Variants in RNF138 observed in about 807,000 individuals in gnomAD.
RNF138 encodes ring finger protein 138, also known as E3 ubiquitin-protein ligase RNF138.
In RNF138, 12 loss-of-function variants were observed where a neutral mutation model predicts 31.0. The observed-to-expected ratio is 0.39, with a 90% CI of 0.25 to 0.63. RNF138 has a LOEUF of 0.63. RNF138 is among the 20% of genes least tolerant of loss of function. RNF138 has a pLI of 0.52. For missense variants in RNF138, 192 were observed against 300.1 expected (o/e 0.64, Z 2.66); for synonymous variants, 105 against 99.5 (o/e 1.06, Z -0.33).
chr18:32,113,927 A>AT, intron 4 of RNF138, 67 bp downstream of exon 4: 3 of 813,828 alleles, frequency 3.7e-6, no homozygotes, highest in Non-Finnish European at 6.0e-6. Flanking sequence ...TGGGAACTAT[A>AT]TGATAAGGTA....
intron 2 of RNF138, among the ~76,000 whole-genome samples, chr18:32,093,564 G>T (rs2039748888): frequency 6.6e-6 from 1 of 152,104 alleles, no homozygotes; most frequent in African/African-American, 2.4e-5. Flanking sequence ...TGAAATGAGC[G>T]TTCCCCTTTG....
intron 2 of RNF138, among the ~76,000 whole-genome samples, chr18:32,093,992 C>G (rs879191266): frequency 6.6e-6 from 1 of 151,934 alleles, no homozygotes; most frequent in African/African-American, 2.4e-5. Flanking sequence ...GGGGTTTCAC[C>G]GTGTTAGCAA....
At chr18:32,103,837 G>A (rs1598849621) in intron 2 of RNF138, among the ~76,000 whole-genome samples, 1 of 137,288 alleles carries the variant, frequency 7.3e-6, no homozygotes, top group African/African-American at 2.8e-5. Context: ...GCGGTGGCGG[G>A]CACCTGTAGT....
At chr18:32,097,960 G>T (rs1568224322) in intron 2 of RNF138, among the ~76,000 whole-genome samples, 1 of 82,774 alleles carries the variant, frequency 1.2e-5, no homozygotes, top group African/African-American at 4.4e-5. Flanking sequence ...GTGTGTGTGT[G>T]TGTGTGTGTG....
chr18:32,122,305 A>G (rs567671053), intron 4 of RNF138: 1 of 152,322 alleles, frequency 6.6e-6, no homozygotes, highest in Admixed American at 6.5e-5. Context: ...TTGTATACAC[A>G]TTTATTATGA....
chr18:32,096,942 A>G (rs1262793526), intron 2 of RNF138, among the ~76,000 whole-genome samples: 1 of 152,082 alleles, frequency 6.6e-6, no homozygotes, highest in Non-Finnish European at 1.5e-5. Context: ...TTGTTGCCCA[A>G]CCTAGTCTCT....
chr18:32,106,614 G>C (rs2040033313), intron 2 of RNF138, among the ~76,000 whole-genome samples: 1 of 151,920 alleles, frequency 6.6e-6, no homozygotes, highest in African/African-American at 2.4e-5. Flanking sequence ...ACACAGGCTT[G>C]AGTGCAGTTG....
In RNF138 at chr18:32,130,515, A is replaced by G; in HGVS notation, c.*1328A>G. 6.6e-6 allele frequency: 1 copy of G among 152,436 alleles called. No individual in the cohort carries two copies. The highest frequency in any genetic ancestry group is 1.9e-4 in the East Asian group (1 of 5,200). The allele number at this position is 152,436 out of a possible 1,614,324, so 9.4% of individuals were successfully genotyped here. Reference sequence around the variant, plus strand: ...AAGGACTAAGAGTGGATTTGCTGACATTCCATACTAATATACATTGTTTAT... The same window carrying G: ...AAGGACTAAGAGTGGATTTGCTGACGTTCCATACTAATATACATTGTTTAT... On this transcript the variant is annotated 3_prime_UTR_variant, in exon 8 of 8. Transcript: ENST00000261593.
At chr18:32,100,814 G>C (rs186285187) in intron 2 of RNF138, among the ~76,000 whole-genome samples, 1 of 152,008 alleles carries the variant, frequency 6.6e-6, no homozygotes, top group African/African-American at 2.4e-5. Context: ...CATGTTGGCC[G>C]GGCTGGTCTC....
intron 2 of RNF138, among the ~76,000 whole-genome samples, chr18:32,109,894 AAAAT>A (rs1568232377): frequency 6.6e-6 from 1 of 152,226 alleles, no homozygotes; most frequent in Non-Finnish European, 1.5e-5. Flanking sequence ...TCAAAAAAAT[AAAAT>A]AAATAAAACT....
At chr18:32,097,888 ATG>A (rs1425277789) in intron 2 of RNF138, among the ~76,000 whole-genome samples, 1 of 151,532 alleles carries the variant, frequency 6.6e-6, no homozygotes, top group Admixed American at 6.6e-5. Context: ...ATATATGTGT[ATG>A]TATATGTGTA....
intron 3 of RNF138, among the ~76,000 whole-genome samples, chr18:32,112,488 C>T (rs542467887): frequency 1.8e-4 from 27 of 152,274 alleles, no homozygotes; most frequent in Admixed American, 3.3e-4. Context: ...GAGTTCGAGA[C>T]CAGCCTGACC....
intron 2 of RNF138, among the ~76,000 whole-genome samples, chr18:32,109,775 A>G (rs2040096266): frequency 6.6e-6 from 1 of 152,084 alleles, no homozygotes; most frequent in Admixed American, 6.6e-5. Flanking sequence ...AGTCCCACCT[A>G]CTGGGTAGGC....
intron 4 of RNF138, among the ~76,000 whole-genome samples, chr18:32,122,675 T>G (rs994961440): frequency 6.6e-6 from 1 of 152,046 alleles, no homozygotes; most frequent in Non-Finnish European, 1.5e-5. Context: ...AATACAAAAA[T>G]TAGCCGGTCA....
intron 6 of RNF138, among the ~76,000 whole-genome samples, chr18:32,125,608 T>A (rs999320736): frequency 2.0e-5 from 3 of 152,174 alleles, no homozygotes; most frequent in Non-Finnish European, 4.4e-5. Flanking sequence ...CTAAGCTGTT[T>A]TAGTGAGTAT....
intron 2 of RNF138, among the ~76,000 whole-genome samples, chr18:32,097,109 A>T (rs910711894): frequency 5.9e-5 from 9 of 152,248 alleles, no homozygotes; most frequent in Non-Finnish European, 1.2e-4. Context: ...GCTTCAGAAG[A>T]AAGTACAGAC....
intron 2 of RNF138, 130 bp from the exon 3 acceptor site, chr18:32,111,624 A>G (rs2040132448): frequency 1.4e-6 from 1 of 728,368 alleles, no homozygotes; most frequent in African/African-American, 1.8e-5. Flanking sequence ...AACTTCTGAG[A>G]TTTATGTACA....
At chr18:32,125,594 A>G (rs1173196142) in intron 6 of RNF138, among the ~76,000 whole-genome samples, 1 of 152,172 alleles carries the variant, frequency 6.6e-6, no homozygotes, top group South Asian at 2.1e-4. Context: ...AACTGTAGAT[A>G]TTTCTAAGCT....
intron 2 of RNF138, among the ~76,000 whole-genome samples, chr18:32,098,826 C>T (rs1011796996): frequency 1.2e-3 from 176 of 149,754 alleles, no homozygotes; most frequent in African/African-American, 4.2e-3. Flanking sequence ...GCACTCCAGC[C>T]CGGGCGACAG....
Sources: gnomAD v4.1 joint callset for allele counts (sites outside exome capture counted in the v4.1 genomes callset) on GRCh38, gnomAD v4.1.1 for gene constraint, MANE v1.5 for transcripts, NCBI Gene and HGNC (gene_info 2026-07-23, HGNC 2026-07-21) for gene names.